Variants in SNAP47 observed in about 807,000 individuals in gnomAD.
SNAP47 encodes synaptosomal-associated protein 47.
In SNAP47, 20 loss-of-function variants were observed where a neutral mutation model predicts 31.4. The ratio of observed to expected loss-of-function variants is 0.64; its 90% CI spans 0.45 to 0.93. The LOEUF (loss-of-function observed/expected upper bound fraction) is 0.93. SNAP47 is among the 40% of genes least tolerant of loss of function. SNAP47 has a pLI of 0.00. For missense variants in SNAP47, 492 were observed against 528.5 expected, an observed-to-expected ratio of 0.93 and a Z score of 0.68; for synonymous variants, 194 against 213.4, an observed-to-expected ratio of 0.91 and a Z score of 0.79.
At chr1:227,735,297 C>T, upstream of SNAP47, 1 of 1,604,932 alleles carries the variant, frequency 6.2e-7, no homozygotes, top group Admixed American at 1.7e-5. Flanking sequence ...GGTCGAAGGA[C>T]CCTCCTCCTC....
intron 4 of SNAP47, chr1:227,775,737 A>G (rs180706902): frequency 3.1e-6 from 4 of 1,295,194 alleles, no homozygotes; most frequent in Non-Finnish European, 3.1e-6. Flanking sequence ...TTGCCTTTAT[A>G]AACAAAATGG....
At chr1:227,733,716 G>A, upstream of SNAP47, 3 of 1,598,788 alleles carry the variant, frequency 1.9e-6, no homozygotes, top group Non-Finnish European at 8.5e-7. Context: ...CATGCCTGTA[G>A]GGGCTGGTAT....
upstream of SNAP47, chr1:227,728,404 G>C (rs1440339881): frequency 6.6e-6 from 1 of 152,114 alleles, no homozygotes; most frequent in African/African-American, 2.4e-5. Context: ...GAAGCCCCAG[G>C]GTCGTCCTGG....
intron 3 of SNAP47, among the ~76,000 whole-genome samples, chr1:227,765,839 C>G (rs76573686): frequency 0.1 from 15,243 of 152,212 alleles, 821 homozygotes; most frequent in Middle Eastern, 0.21. Flanking sequence ...TCCTTCTCTG[C>G]TCAGCCGGGT....
chr1:227,780,533 A>T lies in SNAP47; in HGVS notation c.1120A>T (p.Arg374Trp), dbSNP rs1480632684. The T allele has an allele frequency of 6.2e-7, 1 of 1,613,994 alleles. No individual in the cohort carries two copies. Among genetic ancestry groups the T allele is most frequent in the South Asian group, 1.1e-5 (1 of 91,088 alleles). Residue 374 changes from arginine to tryptophan, a missense_variant, in exon 5 of 5, where the codon AGG becomes TGG. Physicochemically the swap from Arg to Trp is moderately radical, Grantham distance 101. Transcript: ENST00000617596. Reference sequence around the variant, plus strand: ...ATCTTGTGCTTCTCCCCAGATCCTGAGGAGGATGAAGGGGCTGGCCCTGGA... The same window carrying T: ...ATCTTGTGCTTCTCCCCAGATCCTGTGGAGGATGAAGGGGCTGGCCCTGGA... ...ADTQELTQIL[R>W]RMKGLALEAE...
intron 1 of SNAP47, chr1:227,746,031 C>T (rs1661942883): frequency 6.6e-6 from 1 of 152,284 alleles, no homozygotes; most frequent in Admixed American, 6.5e-5. Flanking sequence ...TGTCCAGTCA[C>T]AGGGCATTCA....
At chr1:227,771,628 C>T (rs1163788587) in intron 4 of SNAP47, among the ~76,000 whole-genome samples, 2 of 151,916 alleles carry the variant, frequency 1.3e-5, no homozygotes, top group Non-Finnish European at 2.9e-5. Context: ...ACAGTGAACG[C>T]CTGCTCACCC....
chr1:227,767,234 C>G, intron 4 of SNAP47, 151 bp downstream of exon 4: 1 of 1,196,644 alleles, frequency 8.4e-7, no homozygotes, highest in Non-Finnish European at 1.2e-6. Flanking sequence ...CACTCGGCAG[C>G]TGCAGGGAGG....
At chr1:227,744,817 C>T (rs894078207) in intron 1 of SNAP47, among the ~76,000 whole-genome samples, 4 of 152,180 alleles carry the variant, frequency 2.6e-5, no homozygotes, top group South Asian at 2.1e-4. Flanking sequence ...AGTCCTGCCT[C>T]GGGGAGTGGC....
In SNAP47 at chr1:227,758,501, G is replaced by C. The variant is rs1019328898; in HGVS notation, c.498-494G>C. 1.4e-5 allele frequency among the ~76,000 whole-genome samples: 2 copies of C among 148,062 alleles called. 1 individual carries two copies. The highest frequency in any genetic ancestry group is 4.1e-4 in the East Asian group (2 of 4,878). ...GACGAGAGTGGGTGTTGAGAGTGTG[G>C]GTGGTGGGGAAGCATCTAATGCTGA... On this transcript the variant is annotated intron_variant, in intron 2 of 4. Transcript: ENST00000617596.
At chr1:227,746,055 C>T (rs1661944699) in intron 1 of SNAP47, 2 of 152,284 alleles carry the variant, frequency 1.3e-5, no homozygotes, top group Admixed American at 6.5e-5. Flanking sequence ...AAGGCTGCCA[C>T]CTCAGCCATG....
chr1:227,776,623 A>C, intron 4 of SNAP47: 2 of 985,428 alleles, frequency 2.0e-6, no homozygotes, highest in Non-Finnish European at 2.4e-6. Flanking sequence ...CATTCTTTCC[A>C]TCCCTGTTAT....
At chr1:227,734,928 G>T, upstream of SNAP47, 1 of 1,522,976 alleles carries the variant, frequency 6.6e-7, no homozygotes, top group Non-Finnish European at 8.9e-7. Flanking sequence ...ACCCTCCCTG[G>T]TGCCCCTCTC....
chr1:227,771,568 C>T (rs1200563214), intron 4 of SNAP47, among the ~76,000 whole-genome samples: 14 of 152,176 alleles, frequency 9.2e-5, no homozygotes, highest in African/African-American at 3.4e-4. Context: ...CACAGGGGAA[C>T]ACCACGCCTT....
intron 2 of SNAP47, among the ~76,000 whole-genome samples, chr1:227,752,135 T>C (rs181404323): frequency 5.6e-4 from 85 of 152,322 alleles, no homozygotes; most frequent in African/African-American, 1.9e-3. Flanking sequence ...CCTGTGTATA[T>C]TTCAGGCATG....
chr1:227,758,333 C>T (rs770707877), intron 2 of SNAP47, among the ~76,000 whole-genome samples: 7 of 152,168 alleles, frequency 4.6e-5, no homozygotes, highest in African/African-American at 7.2e-5. Context: ...TCCTGCAAGA[C>T]GTGCCGGGTT....
At chr1:227,735,258 G>C (rs759354399), upstream of SNAP47, 2 of 1,603,842 alleles carry the variant, frequency 1.2e-6, no homozygotes, top group Non-Finnish European at 1.7e-6. Flanking sequence ...GCGAGGGCGC[G>C]CGTCTCGCGG....
chr1:227,737,407 G>A (rs1023199835), intron 1 of SNAP47, among the ~76,000 whole-genome samples: 2 of 152,210 alleles, frequency 1.3e-5, no homozygotes, highest in African/African-American at 4.8e-5. Flanking sequence ...CACAGTGCGA[G>A]GCCTTTGAGT....
upstream of SNAP47, chr1:227,733,824 G>GC (rs1314297110): frequency 1.9e-6 from 3 of 1,592,690 alleles, no homozygotes; most frequent in Middle Eastern, 1.7e-4. Context: ...GTGCCAAGCA[G>GC]CCCCCCTCCT....
Sources: allele counts gnomAD v4.1 joint callset (sites outside exome capture counted in the v4.1 genomes callset), GRCh38; gene constraint gnomAD v4.1.1; transcripts MANE v1.5; gene names NCBI Gene and HGNC (gene_info 2026-07-23, HGNC 2026-07-21).